PTPRN2: variants seen among roughly 807,000 people sequenced by gnomAD.
The protein encoded by PTPRN2 is receptor-type tyrosine-protein phosphatase N2.
PTPRN2 carries 74 observed loss-of-function variants against 118.8 expected under a neutral mutation model. The observed-to-expected ratio is 0.62, with a 90% CI of 0.52 to 0.76. PTPRN2 has a LOEUF of 0.76. Among genes scored for constraint, PTPRN2 ranks in the 30% least tolerant of loss-of-function variants. The pLI is 0.00. For synonymous variants in PTPRN2, 641 were observed against 608.0 expected, an observed-to-expected ratio of 1.05 and a Z score of -0.80; for missense variants, 1,481 against 1,394.4, an observed-to-expected ratio of 1.06 and a Z score of -0.99.
intron 12 of PTPRN2, among the ~76,000 whole-genome samples, chr7:157,769,640 A>G (rs1371292419): frequency 1.3e-5 from 2 of 152,176 alleles, no homozygotes; most frequent in East Asian, 3.9e-4. Context: ...TTGGTCCTGC[A>G]TAAAACACAC....
chr7:158,067,426 C>T (rs1305261671), intron 11 of PTPRN2, among the ~76,000 whole-genome samples: 1 of 152,152 alleles, frequency 6.6e-6, no homozygotes, highest in East Asian at 1.9e-4. Flanking sequence ...GCTCCAGTGC[C>T]ATTGAGGTCC....
chr7:158,126,443 C>A (rs71544530), intron 9 of PTPRN2, among the ~76,000 whole-genome samples: 1,617 of 22,200 alleles, frequency 0.073, 128 homozygotes, highest in Middle Eastern at 0.11. Flanking sequence ...GCCACACCAG[C>A]CCCCAGGACA....
chr7:158,256,726 G>A (rs117785685), intron 3 of PTPRN2, among the ~76,000 whole-genome samples: 2,070 of 152,140 alleles, frequency 0.014, 21 homozygotes, highest in Non-Finnish European at 0.019. Flanking sequence ...GAATTTGCCC[G>A]AGCTTAAAAT....
At chr7:157,907,619 G>A (rs955769028) in intron 11 of PTPRN2, among the ~76,000 whole-genome samples, 7 of 147,134 alleles carry the variant, frequency 4.8e-5, no homozygotes, top group Non-Finnish European at 9.0e-5. Flanking sequence ...CATGTGGGGT[G>A]TCCTGGGGGT....
intron 6 of PTPRN2, among the ~76,000 whole-genome samples, chr7:158,141,493 A>T (rs540233675): frequency 2.0e-5 from 3 of 152,322 alleles, no homozygotes; most frequent in African/African-American, 7.2e-5. Context: ...GACTCGCATG[A>T]CTTTCCAAAC....
At chr7:157,576,578 C>A in intron 19 of PTPRN2, 35 bp downstream of exon 19, 3 of 1,575,944 alleles carry the variant, frequency 1.9e-6, no homozygotes, top group Non-Finnish European at 2.6e-6. Flanking sequence ...GCGCGCTCAG[C>A]GCGCACTGCC....
At chr7:158,381,344 A>G (rs1810952355) in intron 2 of PTPRN2, among the ~76,000 whole-genome samples, 1 of 152,128 alleles carries the variant, frequency 6.6e-6, no homozygotes, top group Admixed American at 6.5e-5. Context: ...TCCGCCACAT[A>G]CCCTAAATCA....
At chr7:157,752,555 T>C (rs1801541468) in intron 12 of PTPRN2, among the ~76,000 whole-genome samples, 1 of 152,156 alleles carries the variant, frequency 6.6e-6, no homozygotes, top group African/African-American at 2.4e-5. Context: ...CTTCCCTGTT[T>C]CCAGCTGGCT....
At chr7:158,129,341 C>G (rs924671450) in intron 9 of PTPRN2, among the ~76,000 whole-genome samples, 1 of 150,934 alleles carries the variant, frequency 6.6e-6, no homozygotes, top group Admixed American at 6.6e-5. Flanking sequence ...CCACGCACTA[C>G]ACATAACACA....
At chr7:157,688,341 T>C (rs372123215) in intron 12 of PTPRN2, among the ~76,000 whole-genome samples, 2 of 152,356 alleles carry the variant, frequency 1.3e-5, no homozygotes, top group East Asian at 1.9e-4. Context: ...TTTATGATAC[T>C]GATGTCCAAA....
intron 8 of PTPRN2, among the ~76,000 whole-genome samples, chr7:158,135,836 G>C (rs549363558): frequency 1.3e-5 from 2 of 152,348 alleles, no homozygotes; most frequent in South Asian, 2.1e-4. Context: ...TCTGAGGAGA[G>C]AATGACTAAC....
chr7:157,682,272 C>A (rs761446554), intron 13 of PTPRN2, among the ~76,000 whole-genome samples: 6 of 152,124 alleles, frequency 3.9e-5, no homozygotes, highest in African/African-American at 1.4e-4. Context: ...CTTCACTGGA[C>A]CGGACAACAG....
rs1401907875 is a variant in PTPRN2, at chr7:157,587,717, G to C, written c.2496+7521C>G. Among the ~76,000 whole-genome samples the C allele has an allele frequency of 6.6e-6, 1 of 152,250 alleles. No homozygotes were observed. Among genetic ancestry groups the C allele is most frequent in the Non-Finnish European group, 1.5e-5 (1 of 68,044 alleles). On this transcript the variant is annotated intron_variant, in intron 17 of 22. Transcript: ENST00000389418. This position sits in a 1 kb window ranked among gnomAD's most constrained non-coding sequence, Gnocchi z 5.3. ...TTTGTGCTCTCTCTGGGGGCCAGGA[G>C]AGCTGTTTCGTGTCTGACTCTGTCC...
intron 11 of PTPRN2, among the ~76,000 whole-genome samples, chr7:157,908,928 G>C (rs1797924831): frequency 1.3e-5 from 2 of 152,044 alleles, no homozygotes; most frequent in East Asian, 3.9e-4. Context: ...TCTACATCTT[G>C]TACCCTGTGT....
At chr7:158,320,570 G>A (rs967881582) in intron 2 of PTPRN2, among the ~76,000 whole-genome samples, 17 of 143,530 alleles carry the variant, frequency 1.2e-4, no homozygotes, top group East Asian at 5.8e-4. Flanking sequence ...GGTGGCGTCC[G>A]TGTTCCCACG....
At chr7:158,462,033 G>T (rs887876808) in intron 2 of PTPRN2, among the ~76,000 whole-genome samples, 1 of 152,278 alleles carries the variant, frequency 6.6e-6, no homozygotes, top group African/African-American at 2.4e-5. Flanking sequence ...GCTTCGGTTC[G>T]TACTTCTCCT....
rs552748716 is a variant in PTPRN2 at position 158,132,854 on chromosome 7, C to G, written c.1556+823G>C. On this transcript the variant is annotated intron_variant, in intron 9 of 22. Transcript: ENST00000389418. ...CATACACACTCATACACACACACAC[C>G]TACCCAACATACACTCATATACACA... Among the ~76,000 whole-genome samples, 532 of 146,746 alleles carry G rather than the reference C, an allele frequency of 3.6e-3. 2 individuals carry two copies. Among genetic ancestry groups the G allele is most frequent in the African/African-American group, 0.013 (495 of 36,980 alleles).
intron 11 of PTPRN2, among the ~76,000 whole-genome samples, chr7:157,980,383 T>C (rs1201737900): frequency 6.6e-6 from 1 of 152,156 alleles, no homozygotes; most frequent in African/African-American, 2.4e-5. Context: ...AAAGCCAAAC[T>C]AAATTACTCC....
chr7:158,074,469 A>G (rs534682633), intron 11 of PTPRN2, among the ~76,000 whole-genome samples: 2 of 152,332 alleles, frequency 1.3e-5, no homozygotes, highest in East Asian at 3.9e-4. Context: ...CATGTTTTTC[A>G]GAAGCGGGTT....
Sources: allele counts gnomAD v4.1 joint callset (sites outside exome capture counted in the v4.1 genomes callset), GRCh38; gene constraint gnomAD v4.1.1; non-coding constraint Gnocchi (gnomAD v3.1); transcripts MANE v1.5; gene names NCBI Gene and HGNC (gene_info 2026-07-23, HGNC 2026-07-21).